Variants in FBXL17 observed in about 807,000 individuals in gnomAD.
FBXL17 encodes the protein F-box and leucine rich repeat protein 17, also known as F-box/LRR-repeat protein 17.
Under a neutral mutation model 66.2 loss-of-function variants are expected in FBXL17, and 22 were observed. The observed-to-expected ratio is 0.33, with a 90% CI of 0.24 to 0.47. The LOEUF (loss-of-function observed/expected upper bound fraction) is 0.47, where lower values mean the gene tolerates loss of function less well. Ranked by LOEUF, FBXL17 falls within the 20% of genes least tolerant of loss-of-function variation. FBXL17 has a pLI of 1.00. For missense variants in FBXL17, 878 were observed against 948.2 expected (o/e 0.93, Z 0.97); for synonymous variants, 474 against 400.5 (o/e 1.18, Z -2.19).
chr5:107,897,913 G>C (rs961198689), intron 7 of FBXL17, among the ~76,000 whole-genome samples: 2 of 151,696 alleles, frequency 1.3e-5, no homozygotes, highest in East Asian at 3.9e-4. Context: ...TGATAAAAAA[G>C]AAAGAAAGAA....
chr5:108,135,300 G>A (rs767250124), intron 6 of FBXL17, among the ~76,000 whole-genome samples: 26 of 152,112 alleles, frequency 1.7e-4, no homozygotes, highest in Non-Finnish European at 3.4e-4. Context: ...ATTTAAAGGG[G>A]AAAACTTTCA....
At chr5:108,076,626 C>T (rs537825147) in intron 6 of FBXL17, among the ~76,000 whole-genome samples, 30 of 152,242 alleles carry the variant, frequency 2.0e-4, no homozygotes, top group African/African-American at 6.7e-4. Flanking sequence ...GCTGCTTGGG[C>T]ATAAGGCAGA....
chr5:107,958,616 C>A (rs1054192534), intron 7 of FBXL17, among the ~76,000 whole-genome samples: 3 of 152,186 alleles, frequency 2.0e-5, no homozygotes, highest in Admixed American at 2.0e-4. Context: ...GTCCTGCGGC[C>A]TCACTTCGTC....
At chr5:107,891,001 T>C (rs956306223) in intron 7 of FBXL17, among the ~76,000 whole-genome samples, 15 of 152,100 alleles carry the variant, frequency 9.9e-5, no homozygotes, top group African/African-American at 2.9e-4. Flanking sequence ...AATAAATAAA[T>C]AGACTATATA....
Position 108,380,939 on chromosome 5 carries a change from C to G in FBXL17, c.753G>C (p.Pro251=), listed in dbSNP as rs1749830727. 1 of 1,221,462 alleles carries G rather than the reference C, an allele frequency of 8.2e-7. No homozygotes were observed. The highest frequency in any genetic ancestry group is 1.6e-5 in the African/African-American group (1 of 64,026). The allele number at this position is 1,221,462 out of a possible 1,614,324, so 75.7% of individuals were successfully genotyped here. ...RPPDAGCCQA[P]EQPPQPLCPP... is the part of the protein sequence containing the mutation. ...GGCAGAGCGGCTGCGGGGGCTGCTCCGGGGCCTGGCAGCAGCCGGCGTCGG... is the reference window on the plus strand; with the variant it reads ...GGCAGAGCGGCTGCGGGGGCTGCTCGGGGGCCTGGCAGCAGCCGGCGTCGG... The change falls in exon 1 of 9, where the codon CCG becomes CCC. Residue 251 remains proline, a synonymous_variant. Transcript: ENST00000542267.
intron 7 of FBXL17, among the ~76,000 whole-genome samples, chr5:107,967,694 T>C (rs943955752): frequency 2.6e-5 from 4 of 151,152 alleles, no homozygotes; most frequent in Admixed American, 1.3e-4. Flanking sequence ...AAAAAAAGAA[T>C]AGGAAAAAAA....
chr5:108,194,477 C>A (rs934514664), intron 5 of FBXL17, among the ~76,000 whole-genome samples: 6 of 152,132 alleles, frequency 3.9e-5, no homozygotes, highest in Non-Finnish European at 5.9e-5. Flanking sequence ...TAATTGGCAA[C>A]AGCCGCCAAG....
intron 6 of FBXL17, among the ~76,000 whole-genome samples, chr5:108,037,973 G>A (rs1028920789): frequency 1.4e-4 from 22 of 152,064 alleles, no homozygotes; most frequent in African/African-American, 5.1e-4. Flanking sequence ...GAAATGTAAC[G>A]GAAGGAGGCA....
At position 108,025,680 on chromosome 5, in the gene FBXL17, T is replaced by TACAC. The variant is rs151215184; in HGVS notation, c.1746-4683_1746-4680dup. On this transcript the variant is annotated intron_variant, in intron 6 of 8. Coordinates refer to ENST00000542267, the MANE Select transcript of FBXL17 (RefSeq NM_001163315.3). ...TAGGGGCTTAAGTAGCTACAACACA[T>TACAC]ACACACACACACACACACACACAAA... 2.9e-3 allele frequency among the ~76,000 whole-genome samples: 381 copies of TACAC among 130,132 alleles called. 3 individuals carry two copies. Among genetic ancestry groups the TACAC allele is most frequent in the South Asian group, 0.015 (61 of 4,094 alleles). The allele number at this position is 130,132 out of a possible 152,430, so 85.4% of individuals were successfully genotyped here.
intron 5 of FBXL17, among the ~76,000 whole-genome samples, chr5:108,204,105 T>C (rs372006775): frequency 6.6e-6 from 1 of 152,102 alleles, no homozygotes; most frequent in East Asian, 1.9e-4. Context: ...ACATCCCAAA[T>C]ACTCGGTTAA....
At chr5:108,231,476 C>T (rs1755338132) in intron 4 of FBXL17, among the ~76,000 whole-genome samples, 1 of 151,996 alleles carries the variant, frequency 6.6e-6, no homozygotes, top group African/African-American at 2.4e-5. Flanking sequence ...GAGGTTTATC[C>T]ATGTTAGTCC....
At chr5:108,007,041 G>T (rs185346594) in intron 7 of FBXL17, among the ~76,000 whole-genome samples, 1 of 152,324 alleles carries the variant, frequency 6.6e-6, no homozygotes, top group African/African-American at 2.4e-5. Context: ...CTGCCAGATT[G>T]CAGGGAACGC....
At chr5:108,339,388 T>C (rs928382029) in intron 4 of FBXL17, among the ~76,000 whole-genome samples, 2 of 152,176 alleles carry the variant, frequency 1.3e-5, no homozygotes, top group African/African-American at 2.4e-5. Flanking sequence ...TCTAACCTTA[T>C]AAAATTTCTA....
At chr5:107,862,778 G>C (rs1748162221) in intron 8 of FBXL17, among the ~76,000 whole-genome samples, 1 of 151,690 alleles carries the variant, frequency 6.6e-6, no homozygotes, top group Non-Finnish European at 1.5e-5. Context: ...GTCCATTATT[G>C]GAAAAGATCA....
At chr5:108,228,293 A>T (rs1376153827) in intron 4 of FBXL17, among the ~76,000 whole-genome samples, 1 of 152,136 alleles carries the variant, frequency 6.6e-6, no homozygotes, top group Non-Finnish European at 1.5e-5. Context: ...CAAGGATAGA[A>T]GATCAGTTAG....
At chr5:107,899,115 A>T (rs1212277740) in intron 7 of FBXL17, among the ~76,000 whole-genome samples, 1 of 152,136 alleles carries the variant, frequency 6.6e-6, no homozygotes, top group East Asian at 1.9e-4. Context: ...ATTTCTCCAC[A>T]TCCTCTCCAG....
intron 6 of FBXL17, among the ~76,000 whole-genome samples, chr5:108,026,352 C>G (rs1352293785): frequency 1.3e-5 from 2 of 152,052 alleles, no homozygotes; most frequent in Non-Finnish European, 2.9e-5. Flanking sequence ...ATTTCTGGAA[C>G]ATGACAGATG....
At chr5:107,946,570 G>C (rs1165084411) in intron 7 of FBXL17, among the ~76,000 whole-genome samples, 1 of 151,402 alleles carries the variant, frequency 6.6e-6, no homozygotes, top group Non-Finnish European at 1.5e-5. Context: ...GCTTCCCAAA[G>C]TGTTGGGATT....
rs6865228 is a variant in FBXL17 at position 108,128,145 on chromosome 5, A to T, written c.1745+57972T>A. ...CCTATAATCCTAGCTACTGGGGAGG[A>T]TGAAGCACAAGAATAGCTTGAACAT... On this transcript the variant is annotated intron_variant, in intron 6 of 8. Transcript: ENST00000542267. Among the ~76,000 whole-genome samples, 1,194 of 151,974 alleles carry T rather than the reference A, an allele frequency of 7.9e-3. 16 individuals carry two copies. Among genetic ancestry groups the T allele is most frequent in the African/African-American group, 0.026 (1,090 of 41,448 alleles).
Sources: gnomAD v4.1 joint callset for allele counts (sites outside exome capture counted in the v4.1 genomes callset) on GRCh38, gnomAD v4.1.1 for gene constraint, MANE v1.5 for transcripts, NCBI Gene and HGNC (gene_info 2026-07-23, HGNC 2026-07-21) for gene names.